The following RPS6KC1 variants were observed in gnomAD, a reference collection of about 807,000 sequenced individuals.
RPS6KC1 encodes the protein inactive ribosomal protein S6 kinase delta-1.
Under a neutral mutation model 103.8 loss-of-function variants are expected in RPS6KC1, and 54 were observed. The ratio of observed to expected loss-of-function variants is 0.52; its 90% CI spans 0.42 to 0.65. The LOEUF is 0.65. RPS6KC1 is among the 30% of genes least tolerant of loss of function. RPS6KC1 has a pLI of 0.00. For synonymous variants in RPS6KC1, 439 were observed against 438.7 expected (o/e 1.00, Z -0.01); for missense variants, 1,151 against 1,253.8 (o/e 0.92, Z 1.24).
At chr1:213,415,251 A>T in the RPS6KC1 span, among the ~76,000 whole-genome samples, 1 of 152,228 alleles carries the variant, frequency 6.6e-6, no homozygotes, top group Non-Finnish European at 1.5e-5. Flanking sequence ...CGCAATTCAT[A>T]CCAACTTAAT....
intron 8 of RPS6KC1, among the ~76,000 whole-genome samples, chr1:213,212,827 A>G (rs537616532): frequency 6.6e-6 from 1 of 152,196 alleles, no homozygotes; most frequent in African/African-American, 2.4e-5. Flanking sequence ...TCCTGATGAC[A>G]TGCAATGTTG....
the RPS6KC1 span, among the ~76,000 whole-genome samples, chr1:213,498,568 C>G: frequency 6.6e-6 from 1 of 151,696 alleles, no homozygotes; most frequent in African/African-American, 2.4e-5. Context: ...CATTCTCATG[C>G]CCCAGCCTCC....
Position 213,262,836 on chromosome 1 carries a change from G to A in RPS6KC1, c.3090+20G>A. Reference sequence around the variant, plus strand: ...CAACAGGTAATTTAACTGACCTATTGGCCAGGTTTATCAACCATGCAGATT... The same window carrying A: ...CAACAGGTAATTTAACTGACCTATTAGCCAGGTTTATCAACCATGCAGATT... On this transcript the variant is annotated intron_variant, in intron 14 of 14. Coordinates refer to ENST00000366960, the MANE Select transcript of RPS6KC1 (RefSeq NM_012424.6). 1 of 1,440,094 alleles carries A rather than the reference G, an allele frequency of 6.9e-7. No individual in the cohort carries two copies. Among genetic ancestry groups the A allele is most frequent in the Non-Finnish European group, 9.8e-7 (1 of 1,021,064 alleles). The allele number at this position is 1,440,094 out of a possible 1,614,324, so 89.2% of individuals were successfully genotyped here. A position where few individuals can be genotyped will look rare whatever the true frequency, so the allele number is the denominator to read the frequency against.
the RPS6KC1 span, among the ~76,000 whole-genome samples, chr1:213,489,597 G>A: frequency 3.3e-5 from 5 of 152,308 alleles, no homozygotes; most frequent in East Asian, 9.6e-4. Context: ...AGTTGAATGA[G>A]AGAGATAGAG....
chr1:213,156,423 AT>A (rs1190143997), intron 6 of RPS6KC1, among the ~76,000 whole-genome samples: 2 of 152,240 alleles, frequency 1.3e-5, no homozygotes, highest in African/African-American at 4.8e-5. Flanking sequence ...GAAACAAAAT[AT>A]TTGAAGAAAT....
chr1:213,743,598 C>G, the RPS6KC1 span, among the ~76,000 whole-genome samples: 1 of 152,188 alleles, frequency 6.6e-6, no homozygotes, highest in Non-Finnish European at 1.5e-5. Context: ...TTCCTTGAAG[C>G]CTAGCAGCTT....
the RPS6KC1 span, among the ~76,000 whole-genome samples, chr1:213,641,876 C>T: frequency 8.0e-6 from 1 of 124,392 alleles, no homozygotes; most frequent in African/African-American, 3.5e-5. Context: ...TCCTTATCTT[C>T]ATGGAACTTC....
the RPS6KC1 span, among the ~76,000 whole-genome samples, chr1:213,772,342 C>T: frequency 2.6e-5 from 4 of 152,146 alleles, no homozygotes; most frequent in Non-Finnish European, 5.9e-5. Flanking sequence ...CCTTTCTTTG[C>T]GCAGGACACA....
the RPS6KC1 span, among the ~76,000 whole-genome samples, chr1:213,336,992 G>A: frequency 1.3e-5 from 2 of 152,182 alleles, no homozygotes; most frequent in Non-Finnish European, 1.5e-5. Flanking sequence ...GGAGTTCTTT[G>A]AGTGAAGGCA....
At chr1:213,238,437 A>C (rs183939710) in intron 10 of RPS6KC1, among the ~76,000 whole-genome samples, 1 of 152,170 alleles carries the variant, frequency 6.6e-6, no homozygotes, top group South Asian at 2.1e-4. Context: ...TCAAATGCCT[A>C]TGCGGAGTTG....
the RPS6KC1 span, among the ~76,000 whole-genome samples, chr1:213,597,822 T>C: frequency 1.3e-5 from 2 of 152,084 alleles, no homozygotes; most frequent in Non-Finnish European, 2.9e-5. Flanking sequence ...CATAGAACAA[T>C]GTAGTAAATA....
chr1:213,648,927 C>T, the RPS6KC1 span, among the ~76,000 whole-genome samples: 1 of 152,178 alleles, frequency 6.6e-6, no homozygotes, highest in South Asian at 2.1e-4. Context: ...CCCAGCCTCT[C>T]TTGCTCAGCA....
the RPS6KC1 span, among the ~76,000 whole-genome samples, chr1:213,365,299 T>C: frequency 6.6e-6 from 1 of 152,246 alleles, no homozygotes; most frequent in East Asian, 1.9e-4. Context: ...AGCTATTTAT[T>C]CCCTCTTCTT....
the RPS6KC1 span, among the ~76,000 whole-genome samples, chr1:213,532,911 G>A: frequency 6.6e-6 from 1 of 152,306 alleles, no homozygotes; most frequent in East Asian, 1.9e-4. Context: ...TCTCCAAGAG[G>A]GGAAAGTGTG....
chr1:213,249,336 A>AT (rs1313709265), intron 12 of RPS6KC1, among the ~76,000 whole-genome samples: 1 of 152,204 alleles, frequency 6.6e-6, no homozygotes, highest in Admixed American at 6.5e-5. Flanking sequence ...CATTTTGTAA[A>AT]TTTTAATCTC....
intron 4 of RPS6KC1, among the ~76,000 whole-genome samples, chr1:213,108,970 C>G (rs529585231): frequency 6.6e-6 from 1 of 151,874 alleles, no homozygotes; most frequent in Non-Finnish European, 1.5e-5. Flanking sequence ...GAAACACCTG[C>G]TAAAATCCTT....
chr1:213,269,480 T>C (rs1387137267), intron 14 of RPS6KC1, among the ~76,000 whole-genome samples: 3 of 152,122 alleles, frequency 2.0e-5, no homozygotes, highest in African/African-American at 2.4e-5. Context: ...CACATTCTTA[T>C]CAAGTACACA....
At chr1:213,205,053 C>T (rs1363144509) in intron 8 of RPS6KC1, among the ~76,000 whole-genome samples, 1 of 152,130 alleles carries the variant, frequency 6.6e-6, no homozygotes, top group Non-Finnish European at 1.5e-5. Context: ...CATTGTACTA[C>T]TCCCAGGCTG....
chr1:213,268,577 TGTATATA>T (rs2094965875), intron 14 of RPS6KC1, among the ~76,000 whole-genome samples: 4 of 147,928 alleles, frequency 2.7e-5, no homozygotes, highest in African/African-American at 7.3e-5. Context: ...ATTTATATAT[TGTATATA>T]TAAATATATA....
Sources: allele counts gnomAD v4.1 joint callset (sites outside exome capture counted in the v4.1 genomes callset), GRCh38; gene constraint gnomAD v4.1.1; transcripts MANE v1.5; gene names NCBI Gene and HGNC (gene_info 2026-07-23, HGNC 2026-07-21).